The following MICOS10 variants were observed in gnomAD, a reference collection of about 807,000 sequenced individuals.
The protein encoded by MICOS10 is MICOS complex subunit MIC10.
A neutral mutation model predicts 13.4 loss-of-function variants in MICOS10; 5 were observed. The observed-to-expected ratio is 0.37, with a 90% CI of 0.20 to 0.78. The LOEUF is 0.78. Ranked by LOEUF, MICOS10 falls within the 30% of genes least tolerant of loss-of-function variation. The probability of loss-of-function intolerance (pLI) is 0.47; values close to 1 mark genes in which losing one functional copy is unlikely to be tolerated. For missense variants in MICOS10, 101 were observed against 94.6 expected, an observed-to-expected ratio of 1.07 and a Z score of -0.28; for synonymous variants, 35 against 33.6, an observed-to-expected ratio of 1.04 and a Z score of -0.15.
At chr1:19,610,857 A>AG in intron 1 of MICOS10, among the ~76,000 whole-genome samples, 1 of 152,216 alleles carries the variant, frequency 6.6e-6, no homozygotes, top group East Asian at 1.9e-4. Flanking sequence ...ACTTTTTACT[A>AG]GGAAGGTAGT....
At position 19,598,745 on chromosome 1, in the gene MICOS10, C is replaced by T. The variant is rs561466070; in HGVS notation, c.64+1636C>T. Among the ~76,000 whole-genome samples the T allele has an allele frequency of 6.1e-4, 93 of 151,748 alleles. 2 individuals are homozygous for T. Among genetic ancestry groups the T allele is most frequent in the African/African-American group, 2.1e-3 (85 of 41,358 alleles). The stretch of plus-strand genomic sequence containing the variant: ...TTGGGTAAAGTCTCTTTCTCAACTA[C>T]GAAATGGTGATCAAAAGAGATTTAC... On this transcript the variant is annotated intron_variant, in intron 1 of 3. Coordinates refer to ENST00000322753, the MANE Select transcript of MICOS10 (RefSeq NM_001032363.4).
intron 1 of MICOS10, among the ~76,000 whole-genome samples, chr1:19,612,299 G>A (rs1051148140): frequency 2.0e-5 from 3 of 150,726 alleles, no homozygotes; most frequent in Non-Finnish European, 3.0e-5. Context: ...CTCGTGATCC[G>A]CCTGCCTCAG....
chr1:19,607,558 C>T (rs1480826160), intron 1 of MICOS10, among the ~76,000 whole-genome samples: 2 of 152,008 alleles, frequency 1.3e-5, no homozygotes, highest in African/African-American at 2.4e-5. Context: ...ATTTAAGGGC[C>T]GAGAGAAAGA....
Position 19,628,483 on chromosome 1 carries a change from AC to A in MICOS10, c.*2084del, listed in dbSNP as rs1469125860. 1 of 143,374 alleles carries A rather than the reference AC, an allele frequency of 7.0e-6. No individual in the cohort carries two copies. The highest frequency in any genetic ancestry group is 2.5e-5 in the African/African-American group (1 of 40,616). 8.9% of individuals were successfully genotyped at this position (143,374 alleles called of 1,614,324 possible). On this transcript the variant is annotated 3_prime_UTR_variant, in exon 4 of 4. Coordinates refer to ENST00000322753, the MANE Select transcript of MICOS10 (RefSeq NM_001032363.4). ...TGGATCATGAGGTCAAGAGATCAAG[AC>A]CATCCTGGCCAACATTGTAAAACCC...
chr1:19,625,730 G>A, intron 3 of MICOS10: 1 of 1,143,790 alleles, frequency 8.7e-7, no homozygotes, highest in Non-Finnish European at 1.1e-6. Context: ...ATGGCTGGGA[G>A]TTCCTGTGGA....
chr1:19,611,051 A>G (rs928612353), intron 1 of MICOS10, among the ~76,000 whole-genome samples: 3 of 151,756 alleles, frequency 2.0e-5, no homozygotes, highest in Non-Finnish European at 4.4e-5. Context: ...TCCCGGGTTC[A>G]AGCAATTCTC....
intron 3 of MICOS10, among the ~76,000 whole-genome samples, chr1:19,624,232 G>C (rs923465771): frequency 2.0e-5 from 3 of 152,276 alleles, no homozygotes; most frequent in Middle Eastern, 3.4e-3. Context: ...AGTCTGGACT[G>C]TAAGTCTCAC....
chr1:19,623,784 T>A (rs995301529), intron 3 of MICOS10: 5 of 518,352 alleles, frequency 9.6e-6, no homozygotes, highest in Middle Eastern at 3.3e-4. Flanking sequence ...CAGATGCGTA[T>A]GTACGTTCAG....
chr1:19,605,871 A>C (rs1423388475), intron 1 of MICOS10, among the ~76,000 whole-genome samples: 1 of 152,070 alleles, frequency 6.6e-6, no homozygotes, highest in Non-Finnish European at 1.5e-5. Flanking sequence ...TTTTATGTGG[A>C]CATGTTTTCA....
chr1:19,609,643 CTG>C (rs1558341147), intron 1 of MICOS10, among the ~76,000 whole-genome samples: 1 of 152,192 alleles, frequency 6.6e-6, no homozygotes, highest in Non-Finnish European at 1.5e-5. Context: ...AGTGGAGTAT[CTG>C]TAATAAAAGG....
chr1:19,615,952 C>G (rs751071255), intron 1 of MICOS10, among the ~76,000 whole-genome samples: 2 of 146,036 alleles, frequency 1.4e-5, no homozygotes, highest in African/African-American at 2.5e-5. Context: ...GAGTCTTGCT[C>G]TGTCGCCCAG....
intron 1 of MICOS10, among the ~76,000 whole-genome samples, chr1:19,602,513 A>G (rs2094819268): frequency 6.6e-6 from 1 of 152,216 alleles, no homozygotes; most frequent in African/African-American, 2.4e-5. Context: ...TATTTAAACA[A>G]GTAGAGGGAT....
Position 19,628,594 on chromosome 1 carries a change from A to T in MICOS10, c.*2193A>T, listed in dbSNP as rs1211734617. On this transcript the variant is annotated 3_prime_UTR_variant, in exon 4 of 4. Transcript: ENST00000322753. Reference sequence around the variant, plus strand: ...CTACTCAGGAGGTTGAGGCAGGAGAATCATTTGAACCCGGGAGGCAGAGGT... The same window carrying T: ...CTACTCAGGAGGTTGAGGCAGGAGATTCATTTGAACCCGGGAGGCAGAGGT... 1 of 150,128 alleles carries T rather than the reference A, an allele frequency of 6.7e-6. No homozygotes were observed. The highest frequency in any genetic ancestry group is 1.5e-5 in the Non-Finnish European group (1 of 67,840). 9.3% of individuals were successfully genotyped at this position (150,128 alleles called of 1,614,324 possible).
Position 19,626,980 on chromosome 1 carries a change from G to A in MICOS10, c.*579G>A. 6.4e-6 allele frequency: 1 copy of A among 155,334 alleles called. No individual in the cohort carries two copies. Among genetic ancestry groups the A allele is most frequent in the Non-Finnish European group, 1.4e-5 (1 of 69,886 alleles). The allele number at this position is 155,334 out of a possible 1,614,324, so 9.6% of individuals were successfully genotyped here. A position where few individuals can be genotyped will look rare whatever the true frequency, so the allele number is the denominator to read the frequency against. On this transcript the variant is annotated 3_prime_UTR_variant, in exon 4 of 4. Coordinates refer to ENST00000322753, the MANE Select transcript of MICOS10 (RefSeq NM_001032363.4). ...TCCCACTGCTGCTGTATTAGCAGGG[G>A]AAGAATCCTGGCTGTGTGGATGGCC...
intron 1 of MICOS10, among the ~76,000 whole-genome samples, chr1:19,597,537 AC>A (rs2100224373): frequency 6.6e-6 from 1 of 152,256 alleles, no homozygotes; most frequent in African/African-American, 2.4e-5. Context: ...GGAGAAGGTC[AC>A]CTGGAGCATT....
At chr1:19,623,999 T>A (rs916711662) in intron 3 of MICOS10, among the ~76,000 whole-genome samples, 4 of 152,208 alleles carry the variant, frequency 2.6e-5, no homozygotes, top group African/African-American at 9.7e-5. Flanking sequence ...TTAATTTGTT[T>A]CATTTTTTTG....
At chr1:19,610,706 ACTTAC>A (rs1210973864) in intron 1 of MICOS10, among the ~76,000 whole-genome samples, 1 of 152,080 alleles carries the variant, frequency 6.6e-6, no homozygotes, top group African/African-American at 2.4e-5. Context: ...AGATTTGTAG[ACTTAC>A]CTTACTTTGA....
rs1214515139 is a variant in MICOS10, at chr1:19,597,022, A to G, written c.-24A>G. Reference sequence around the variant, plus strand: ...GGAGCGCGGGGGCCGGCCGAGAGGAAAGCTGGAGGCGCGGGTGGGGAACAT... The same window carrying G: ...GGAGCGCGGGGGCCGGCCGAGAGGAGAGCTGGAGGCGCGGGTGGGGAACAT... On this transcript the variant is annotated 5_prime_UTR_variant, in exon 1 of 4. Transcript: ENST00000322753. 2 of 1,574,318 alleles carry G rather than the reference A, an allele frequency of 1.3e-6. No homozygotes were observed. The highest frequency in any genetic ancestry group is 1.7e-6 in the Non-Finnish European group (2 of 1,163,978).
intron 1 of MICOS10, among the ~76,000 whole-genome samples, chr1:19,606,552 C>G (rs2094835465): frequency 6.6e-6 from 1 of 152,044 alleles, no homozygotes; most frequent in Non-Finnish European, 1.5e-5. Context: ...TTGAGACCAG[C>G]CTGGCCAATA....
Sources: gnomAD v4.1 joint callset for allele counts (sites outside exome capture counted in the v4.1 genomes callset) on GRCh38, gnomAD v4.1.1 for gene constraint, MANE v1.5 for transcripts, NCBI Gene and HGNC (gene_info 2026-07-23, HGNC 2026-07-21) for gene names.